SLC13A1: variants seen among roughly 807,000 people sequenced by gnomAD.
The protein encoded by SLC13A1 is solute carrier family 13 member 1, also known as Na(+)/sulfate cotransporter.
A neutral mutation model predicts 70.0 loss-of-function variants in SLC13A1; 65 were observed. The observed-to-expected ratio is 0.93, with a 90% CI of 0.76 to 1.14. The LOEUF is 1.14. SLC13A1 is among the 50% of genes most tolerant of loss of function. The probability of loss-of-function intolerance (pLI) is 0.00; values close to 1 mark genes in which losing one functional copy is unlikely to be tolerated. For synonymous variants in SLC13A1, 275 were observed against 250.5 expected, an observed-to-expected ratio of 1.10 and a Z score of -0.92; for missense variants, 726 against 717.8, an observed-to-expected ratio of 1.01 and a Z score of -0.13.
chr7:123,181,268 T>A, intron 1 of SLC13A1, 167 bp from the exon 2 acceptor site: 1 of 579,422 alleles, frequency 1.7e-6, no homozygotes, highest in Non-Finnish European at 2.8e-6. Flanking sequence ...TTAGAAGTTC[T>A]AAGAAGCAAA....
intron 12 of SLC13A1, among the ~76,000 whole-genome samples, chr7:123,120,251 TC>T (rs1448912084): frequency 2.6e-5 from 4 of 152,092 alleles, no homozygotes; most frequent in African/African-American, 9.7e-5. Context: ...GGGGAGCACT[TC>T]CTTCTATAAC....
chr7:123,152,725 C>A (rs1585339742), intron 6 of SLC13A1, among the ~76,000 whole-genome samples: 1 of 152,222 alleles, frequency 6.6e-6, no homozygotes, highest in East Asian at 1.9e-4. Context: ...CTCTACGCTT[C>A]ACCCAAAATA....
chr7:123,169,330 G>A lies in SLC13A1; in HGVS notation c.371C>T (p.Thr124Met), dbSNP rs139339169. The change falls in exon 4 of 15, where the codon ACG becomes ATG. Residue 124 changes from threonine (T) to methionine (M), a missense_variant. Transcript: ENST00000194130. ...MMVGVNPAWL[T>M]LGFMSSTAFL... Reference sequence around the variant, plus strand: ...GGCAGTGCTGCTCATGAACCCCAGCGTCAGCCTGAAACCAGAGAGCCATTA... The same window carrying A: ...GGCAGTGCTGCTCATGAACCCCAGCATCAGCCTGAAACCAGAGAGCCATTA... 25 of 1,611,420 alleles carry A rather than the reference G, an allele frequency of 1.6e-5. No homozygotes were observed. Among genetic ancestry groups the A allele is most frequent in the African/African-American group, 6.7e-5 (5 of 74,866 alleles).
intron 3 of SLC13A1, 120 bp from the exon 4 acceptor site, chr7:123,169,455 T>C: frequency 1.1e-6 from 1 of 903,422 alleles, no homozygotes; most frequent in Middle Eastern, 3.5e-4. Flanking sequence ...TTTCAAAACA[T>C]GGAAGGTTAA....
chr7:123,130,047 T>C (rs763868608), intron 8 of SLC13A1, among the ~76,000 whole-genome samples: 1 of 152,140 alleles, frequency 6.6e-6, no homozygotes, highest in Non-Finnish European at 1.5e-5. Context: ...CTTTGGCAAA[T>C]GTATGAGACA....
intron 1 of SLC13A1, among the ~76,000 whole-genome samples, chr7:123,192,661 A>G (rs1401539789): frequency 6.6e-6 from 1 of 152,150 alleles, no homozygotes; most frequent in Non-Finnish European, 1.5e-5. Flanking sequence ...AAGCAATTAA[A>G]AAAGGAGAAA....
intron 12 of SLC13A1, 96 bp downstream of exon 12, chr7:123,123,030 A>C (rs983271687): frequency 1.0e-6 from 1 of 970,362 alleles, no homozygotes; most frequent in African/African-American, 1.6e-5. Context: ...TTAAAATGAC[A>C]GAGTGAAATT....
intron 6 of SLC13A1, among the ~76,000 whole-genome samples, chr7:123,157,753 A>G (rs1274333399): frequency 3.9e-5 from 6 of 152,150 alleles, no homozygotes; most frequent in Non-Finnish European, 8.8e-5. Flanking sequence ...TTAAAGTGCA[A>G]CAATCATTTT....
intron 1 of SLC13A1, among the ~76,000 whole-genome samples, chr7:123,189,114 C>CA (rs34956751): frequency 0.62 from 62,073 of 99,386 alleles, 19,763 homozygotes; most frequent in East Asian, 0.67. Context: ...GACTCCGTCT[C>CA]AAAAAAAAAA....
At chr7:123,171,723 G>A in intron 3 of SLC13A1, 45 bp downstream of exon 3, 1 of 1,593,164 alleles carries the variant, frequency 6.3e-7, no homozygotes, top group Non-Finnish European at 8.6e-7. Flanking sequence ...GCACAAAAAT[G>A]GTCTGTTCAG....
chr7:123,118,930 GCATTAATA>G, intron 13 of SLC13A1, 143 bp downstream of exon 13: 1 of 558,862 alleles, frequency 1.8e-6, no homozygotes, highest in Non-Finnish European at 3.1e-6. Flanking sequence ...TCCCCTGAAA[GCATTAATA>G]CAAATAAAGA....
intron 8 of SLC13A1, among the ~76,000 whole-genome samples, chr7:123,130,215 T>C (rs143274400): frequency 3.9e-5 from 6 of 152,192 alleles, no homozygotes; most frequent in African/African-American, 1.4e-4. Flanking sequence ...CATTACTTGG[T>C]ATATACCCAA....
chr7:123,174,111 G>A (rs1363169700), intron 2 of SLC13A1, among the ~76,000 whole-genome samples: 1 of 150,398 alleles, frequency 6.6e-6, no homozygotes, highest in African/African-American at 2.4e-5. Flanking sequence ...TAGTCTCCTT[G>A]TTTTATCCAT....
At position 123,115,210 on chromosome 7, in the gene SLC13A1, A is replaced by G. The variant is rs569128086; in HGVS notation, c.*308T>C. The G allele has an allele frequency of 1.1e-5, 2 of 183,830 alleles. No individual in the cohort carries two copies. Among genetic ancestry groups the G allele is most frequent in the Non-Finnish European group, 2.2e-5 (2 of 88,918 alleles). The allele number at this position is 183,830 out of a possible 1,614,324, so 11.4% of individuals were successfully genotyped here. ...GAACTCCAACTGTAAGATGAAACAA[A>G]TGCTCTAATCTCTTTGAAGGTCAAG... On this transcript the variant is annotated 3_prime_UTR_variant, in exon 15 of 15. Transcript: ENST00000194130.
intron 1 of SLC13A1, among the ~76,000 whole-genome samples, chr7:123,182,341 C>T (rs1467533070): frequency 1.3e-5 from 2 of 152,080 alleles, no homozygotes; most frequent in African/African-American, 4.8e-5. Context: ...TTATGTTTTC[C>T]ATCATACTTG....
rs1219182606 is a variant in SLC13A1 at position 123,168,677 on chromosome 7, G to A, written c.554-116C>T. Reference sequence around the variant, plus strand: ...AGAAATTGAAAATAAAAAATTCACTGTGTACTAACATAACAGTCATCTTAT... The same window carrying A: ...AGAAATTGAAAATAAAAAATTCACTATGTACTAACATAACAGTCATCTTAT... On this transcript the variant is annotated intron_variant, in intron 4 of 14. Coordinates refer to ENST00000194130, the MANE Select transcript of SLC13A1 (RefSeq NM_022444.4). The A allele has an allele frequency of 9.7e-6, 7 of 724,632 alleles. No individual in the cohort carries two copies. In the East Asian group the frequency reaches 1.6e-4, roughly 17 times the overall value. The allele number at this position is 724,632 out of a possible 1,614,324, so 44.9% of individuals were successfully genotyped here. A position where few individuals can be genotyped will look rare whatever the true frequency, so the allele number is the denominator to read the frequency against.
chr7:123,122,110 G>A (rs1793400750), intron 12 of SLC13A1, among the ~76,000 whole-genome samples: 1 of 152,080 alleles, frequency 6.6e-6, no homozygotes, highest in South Asian at 2.1e-4. Flanking sequence ...TCTGGCTGAT[G>A]CTTTCAAAAT....
intron 1 of SLC13A1, among the ~76,000 whole-genome samples, chr7:123,194,600 A>C (rs1049140724): frequency 5.9e-5 from 9 of 152,046 alleles, no homozygotes; most frequent in Admixed American, 5.9e-4. Context: ...TGTGTAAAAA[A>C]CAAACAGTCT....
intron 1 of SLC13A1, among the ~76,000 whole-genome samples, chr7:123,198,408 C>CAAAT (rs1796250654): frequency 6.7e-6 from 1 of 149,084 alleles, no homozygotes. Context: ...TTATTATTTA[C>CAAAT]AAATTCTGTA....
Sources: gnomAD v4.1 joint callset for allele counts (sites outside exome capture counted in the v4.1 genomes callset) on GRCh38, gnomAD v4.1.1 for gene constraint, MANE v1.5 for transcripts, NCBI Gene and HGNC (gene_info 2026-07-23, HGNC 2026-07-21) for gene names.